Variants in NEMP2 observed in about 807,000 individuals in gnomAD.
NEMP2 encodes nuclear envelope integral membrane protein 2, also known as UPF0571 transmembrane protein.
Under a neutral mutation model 54.2 loss-of-function variants are expected in NEMP2, and 53 were observed. The observed-to-expected ratio is 0.98, with a 90% CI of 0.78 to 1.23. The LOEUF is 1.23. NEMP2 is among the 50% of genes most tolerant of loss of function. NEMP2 has a pLI of 0.00. For missense variants in NEMP2, 455 were observed against 511.3 expected, an observed-to-expected ratio of 0.89 and a Z score of 1.06; for synonymous variants, 197 against 190.3, an observed-to-expected ratio of 1.04 and a Z score of -0.29.
chr2:190,446,863 T>C, the NEMP2 span, among the ~76,000 whole-genome samples: 1 of 152,224 alleles, frequency 6.6e-6, no homozygotes, highest in Non-Finnish European at 1.5e-5. Context: ...AAGACTGTAC[T>C]GATTCTATTT....
chr2:190,442,805 G>GT, the NEMP2 span: 1 of 152,118 alleles, frequency 6.6e-6, no homozygotes, highest in Non-Finnish European at 1.5e-5. Flanking sequence ...ACACAATATT[G>GT]TAAGTCTGAA....
the NEMP2 span, among the ~76,000 whole-genome samples, chr2:190,542,933 A>G: frequency 1.3e-5 from 2 of 152,202 alleles, no homozygotes; most frequent in African/African-American, 2.4e-5. This position sits in a 1 kb window ranked among gnomAD's most constrained non-coding sequence, Gnocchi z 4.6. Context: ...CCTGTTTACT[A>G]TAGTTTCTTG....
the NEMP2 span, among the ~76,000 whole-genome samples, chr2:190,630,282 A>G: frequency 8.5e-5 from 13 of 152,084 alleles, no homozygotes; most frequent in Non-Finnish European, 1.8e-4. The surrounding 1 kb of genome is among the most constrained non-coding windows in gnomAD (Gnocchi z 5.5). Flanking sequence ...GCCCAGAGCA[A>G]TCTCGTCTCA....
At chr2:190,565,626 G>A in the NEMP2 span, among the ~76,000 whole-genome samples, 1 of 152,148 alleles carries the variant, frequency 6.6e-6, no homozygotes, top group East Asian at 1.9e-4. Context: ...AAGCTAGACT[G>A]GCTTTTCAGA....
chr2:190,515,468 T>C (rs952433635), intron 6 of NEMP2, among the ~76,000 whole-genome samples: 2 of 152,170 alleles, frequency 1.3e-5, no homozygotes, highest in East Asian at 1.9e-4. Context: ...GAATGGGAAA[T>C]TTTTTCATGG....
At chr2:190,488,844 T>A in the NEMP2 span, 1 of 1,513,152 alleles carries the variant, frequency 6.6e-7, no homozygotes, top group East Asian at 2.4e-5. This position sits in a 1 kb window ranked among gnomAD's most constrained non-coding sequence, Gnocchi z 6.4. Flanking sequence ...TCCTTTTTTT[T>A]CTTTTCTATT....
chr2:190,594,276 A>G, the NEMP2 span, among the ~76,000 whole-genome samples: 1 of 152,202 alleles, frequency 6.6e-6, no homozygotes, highest in African/African-American at 2.4e-5. This position sits in a 1 kb window ranked among gnomAD's most constrained non-coding sequence, Gnocchi z 5.6. Context: ...CATAGCTACC[A>G]TAACTAAAGC....
the NEMP2 span, among the ~76,000 whole-genome samples, chr2:190,576,418 T>C: frequency 3.3e-5 from 5 of 152,278 alleles, no homozygotes; most frequent in African/African-American, 7.2e-5. Context: ...TCAAGGTTTG[T>C]TGATGGAAGA....
At chr2:190,426,481 T>C in the NEMP2 span, among the ~76,000 whole-genome samples, 1 of 152,232 alleles carries the variant, frequency 6.6e-6, no homozygotes. The surrounding 1 kb of genome is among the most constrained non-coding windows in gnomAD (Gnocchi z 4.7). Context: ...AGGATGGCTT[T>C]TTAAAAATAT....
At chr2:190,524,321 T>C (rs1213768304) in intron 2 of NEMP2, among the ~76,000 whole-genome samples, 1 of 151,832 alleles carries the variant, frequency 6.6e-6, no homozygotes, top group East Asian at 1.9e-4. Flanking sequence ...GGGAAGAAAG[T>C]TTGATGAGGA....
chr2:190,588,760 T>A, the NEMP2 span, among the ~76,000 whole-genome samples: 1 of 152,172 alleles, frequency 6.6e-6, no homozygotes, highest in Non-Finnish European at 1.5e-5. This position sits in a 1 kb window ranked among gnomAD's most constrained non-coding sequence, Gnocchi z 5.0. Context: ...AAAGCCCTCA[T>A]TATATAGATG....
the NEMP2 span, among the ~76,000 whole-genome samples, chr2:190,576,082 C>G: frequency 1.3e-5 from 2 of 151,792 alleles, no homozygotes; most frequent in Non-Finnish European, 1.5e-5. Context: ...GATCTTAATA[C>G]TTCAGCCTCC....
At chr2:190,461,004 C>T in the NEMP2 span, among the ~76,000 whole-genome samples, 1 of 152,102 alleles carries the variant, frequency 6.6e-6, no homozygotes, top group Non-Finnish European at 1.5e-5. This position sits in a 1 kb window ranked among gnomAD's most constrained non-coding sequence, Gnocchi z 5.5. Context: ...ATTTCTTTGT[C>T]CAGGAAGAAA....
chr2:190,519,235 T>A lies in NEMP2; in HGVS notation c.214-52A>T, dbSNP rs1332938614. 14 of 1,316,686 alleles carry A rather than the reference T, an allele frequency of 1.1e-5. No homozygotes were observed. The highest frequency in any genetic ancestry group is 1.5e-5 in the Non-Finnish European group (14 of 955,698). 81.6% of individuals were successfully genotyped at this position (1,316,686 alleles called of 1,614,324 possible). A position where few individuals can be genotyped will look rare whatever the true frequency, so the allele number is the denominator to read the frequency against. On this transcript the variant is annotated intron_variant, in intron 2 of 8. Coordinates refer to ENST00000409150, the MANE Select transcript of NEMP2 (RefSeq NM_001142645.2). The surrounding 1 kb of genome is among the most constrained non-coding windows in gnomAD (Gnocchi z 5.4). ...TAAACAGAATAACTTCTCTTTTTTG[T>A]TTTGGAGACAGGGTCTCCCTCTGTT...
the NEMP2 span, among the ~76,000 whole-genome samples, chr2:190,586,310 C>G: frequency 4.6e-5 from 7 of 152,198 alleles, no homozygotes; most frequent in Non-Finnish European, 8.8e-5. The surrounding 1 kb of genome is among the most constrained non-coding windows in gnomAD (Gnocchi z 4.5). Context: ...TGGCTAAGTA[C>G]CCCCGAAGTC....
In NEMP2 at chr2:190,531,335, C is replaced by G. The variant is rs1247335535; in HGVS notation, c.97+3224G>C. 6.6e-6 allele frequency among the ~76,000 whole-genome samples: 1 copy of G among 152,168 alleles called. No homozygotes were observed. Among genetic ancestry groups the G allele is most frequent in the African/African-American group, 2.4e-5 (1 of 41,442 alleles). ...AGGCTATCCCAGGTTTGCCTCAACC[C>G]TCAAGGACTGAGGAGTATCTGTGGG... is the stretch of plus-strand genomic sequence containing the variant. On this transcript the variant is annotated intron_variant, in intron 1 of 8. Transcript: ENST00000409150. The surrounding 1 kb of genome is among the most constrained non-coding windows in gnomAD (Gnocchi z 4.7).
the NEMP2 span, among the ~76,000 whole-genome samples, chr2:190,493,047 T>C: frequency 6.6e-6 from 1 of 152,138 alleles, no homozygotes; most frequent in South Asian, 2.1e-4. Flanking sequence ...TAACATTGAA[T>C]GTAAATGGCC....
chr2:190,557,459 G>T, the NEMP2 span, among the ~76,000 whole-genome samples: 1 of 152,256 alleles, frequency 6.6e-6, no homozygotes, highest in Admixed American at 6.5e-5. Flanking sequence ...GGCAACAAAA[G>T]CCAAAATTGA....
At chr2:190,638,755 G>C in the NEMP2 span, among the ~76,000 whole-genome samples, 7 of 152,132 alleles carry the variant, frequency 4.6e-5, no homozygotes, top group African/African-American at 1.7e-4. The surrounding 1 kb of genome is among the most constrained non-coding windows in gnomAD (Gnocchi z 5.7). Context: ...GCCCACACTT[G>C]GGAGATGCTT....
Sources: gnomAD v4.1 joint callset for allele counts (sites outside exome capture counted in the v4.1 genomes callset) on GRCh38, gnomAD v4.1.1 for gene constraint, Gnocchi (gnomAD v3.1) non-coding constraint, MANE v1.5 for transcripts, NCBI Gene and HGNC (gene_info 2026-07-23, HGNC 2026-07-21) for gene names.